ATP1A1: variants seen among roughly 807,000 people sequenced by gnomAD.
ATP1A1 encodes the protein ATPase Na+/K+ transporting subunit alpha 1, also known as sodium/potassium-transporting ATPase subunit alpha-1.
ATP1A1 carries 14 observed loss-of-function variants against 114.8 expected under a neutral mutation model. That is an observed-to-expected ratio of 0.12 (90% confidence interval 0.08 to 0.19). The LOEUF (loss-of-function observed/expected upper bound fraction) is 0.19. ATP1A1 is among the 10% of genes least tolerant of loss of function. The probability of loss-of-function intolerance (pLI) is 1.00; values close to 1 mark genes in which losing one functional copy is unlikely to be tolerated. For missense variants in ATP1A1, 524 were observed against 1,290.7 expected, an observed-to-expected ratio of 0.41 and a Z score of 9.10; for synonymous variants, 471 against 466.3, an observed-to-expected ratio of 1.01 and a Z score of -0.13.
In ATP1A1 at chr1:116,401,436, C is replaced by A; in HGVS notation, c.2850-118C>A. The A allele has an allele frequency of 7.1e-7, 1 of 1,415,304 alleles. No individual in the cohort carries two copies. Among genetic ancestry groups the A allele is most frequent in the African/African-American group, 1.4e-5 (1 of 69,796 alleles). The allele number at this position is 1,415,304 out of a possible 1,614,324, so 87.7% of individuals were successfully genotyped here. ...CTTTCTAGTTTTTTCATCTGACCTCCAAGTTTTCAAGTACAGCTAATACAT... is the reference window on the plus strand; with the variant it reads ...CTTTCTAGTTTTTTCATCTGACCTCAAAGTTTTCAAGTACAGCTAATACAT... On this transcript the variant is annotated intron_variant, in intron 20 of 22. Transcript: ENST00000295598. The surrounding 1 kb of genome is among the most constrained non-coding windows in gnomAD (Gnocchi z 4.7).
At chr1:116,379,244 G>C (rs575237874) in intron 1 of ATP1A1, among the ~76,000 whole-genome samples, 9 of 152,258 alleles carry the variant, frequency 5.9e-5, no homozygotes, top group African/African-American at 2.2e-4. Flanking sequence ...GCCCAAGTTT[G>C]GATATACTAA....
intron 1 of ATP1A1, chr1:116,374,277 T>C: frequency 6.4e-7 from 1 of 1,551,630 alleles, no homozygotes. Flanking sequence ...CCACTTTCCG[T>C]AAACACAGGA....
At position 116,389,530 on chromosome 1, in the gene ATP1A1, C is replaced by A; in HGVS notation, c.846C>A (p.Thr282=). 6.2e-7 allele frequency: 1 copy of A among 1,614,120 alleles called. No individual in the cohort carries two copies. Among genetic ancestry groups the A allele is most frequent in the Non-Finnish European group, 8.5e-7 (1 of 1,180,008 alleles). Reference sequence around the variant, plus strand: ...CTTCTGGGCTGGAAGGAGGCCAGACCCCCATTGCTGCAGAAATTGAACATT... The same window carrying A: ...CTTCTGGGCTGGAAGGAGGCCAGACACCCATTGCTGCAGAAATTGAACATT... ...TLASGLEGGQ[T]PIAAEIEHFI... is the part of the protein sequence containing the mutation. The change falls in exon 8 of 23, where the codon ACC becomes ACA. Residue 282 remains threonine (T), a synonymous_variant. Coordinates refer to ENST00000295598, the MANE Select transcript of ATP1A1 (RefSeq NM_000701.8). This position sits in a 1 kb window ranked among gnomAD's most constrained non-coding sequence, Gnocchi z 6.9.
chr1:116,379,354 G>A (rs531029521), intron 1 of ATP1A1, among the ~76,000 whole-genome samples: 51 of 152,290 alleles, frequency 3.3e-4, no homozygotes, highest in Non-Finnish European at 6.0e-4. Context: ...AGGCATGGTG[G>A]CCCCTCAGGC....
intron 21 of ATP1A1, chr1:116,402,100 A>C (rs1263173902): frequency 6.2e-6 from 1 of 161,862 alleles, no homozygotes; most frequent in African/African-American, 2.4e-5. Context: ...TCAAAGAAAG[A>C]AGGTTGGAGA....
rs1456769284 is a variant in ATP1A1 at position 116,387,007 on chromosome 1, A to G, written c.184-281A>G. 1.3e-5 allele frequency among the ~76,000 whole-genome samples: 2 copies of G among 152,250 alleles called. No homozygotes were observed. Among genetic ancestry groups the G allele is most frequent in the Non-Finnish European group, 2.9e-5 (2 of 68,040 alleles). On this transcript the variant is annotated intron_variant, in intron 3 of 22. Coordinates refer to ENST00000295598, the MANE Select transcript of ATP1A1 (RefSeq NM_000701.8). This position sits in a 1 kb window ranked among gnomAD's most constrained non-coding sequence, Gnocchi z 6.7. The stretch of plus-strand genomic sequence containing the variant: ...TTAATCCCTTGATCTAAAACTTAGA[A>G]GAAACCAGGCTGAATTCAAATTTAT...
At chr1:116,383,805 G>A (rs1446730582) in intron 1 of ATP1A1, among the ~76,000 whole-genome samples, 2 of 152,212 alleles carry the variant, frequency 1.3e-5, no homozygotes, top group Non-Finnish European at 2.9e-5. Context: ...CTTGGATGGA[G>A]AGAATGTATC....
Position 116,399,158 on chromosome 1 carries a change from C to T in ATP1A1, c.2448+74C>T. ...GTCTTCATTCACTGGCACTATGCTC[C>T]CAGCATCCATGAGGCTGGCGTTGGG... On this transcript the variant is annotated intron_variant, in intron 17 of 22. Transcript: ENST00000295598. This position sits in a 1 kb window ranked among gnomAD's most constrained non-coding sequence, Gnocchi z 5.0. The T allele has an allele frequency of 6.3e-7, 1 of 1,595,842 alleles. No individual in the cohort carries two copies. Among genetic ancestry groups the T allele is most frequent in the Non-Finnish European group, 8.6e-7 (1 of 1,166,230 alleles).
rs903553112 is a variant in ATP1A1 at position 116,373,330 on chromosome 1, C to T, written c.-182C>T. On this transcript the variant is annotated 5_prime_UTR_variant, in exon 1 of 23. Transcript: ENST00000295598. ...GCGGTAGCAGCCCGGGCGGCGGCAGCAACAGCGGCGGCGGCATCGGCCCGA... is the reference window on the plus strand; with the variant it reads ...GCGGTAGCAGCCCGGGCGGCGGCAGTAACAGCGGCGGCGGCATCGGCCCGA... The T allele has an allele frequency of 1.7e-4, 88 of 521,642 alleles. No homozygotes were observed. Among genetic ancestry groups the T allele is most frequent in the Non-Finnish European group, 2.5e-4 (80 of 326,154 alleles). 32.3% of individuals were successfully genotyped at this position (521,642 alleles called of 1,614,324 possible).
At chr1:116,386,461 T>G (rs1200812950) in intron 3 of ATP1A1, among the ~76,000 whole-genome samples, 4 of 152,200 alleles carry the variant, frequency 2.6e-5, no homozygotes, top group Non-Finnish European at 2.9e-5. Flanking sequence ...AGCACTGAAT[T>G]CAGTTCCTGG....
chr1:116,391,829 A>C (rs1007015598), intron 10 of ATP1A1, among the ~76,000 whole-genome samples: 8 of 152,216 alleles, frequency 5.3e-5, no homozygotes, highest in African/African-American at 1.7e-4. Flanking sequence ...CAAGTATCAA[A>C]TCTTTCCTGA....
chr1:116,404,275 C>A lies in ATP1A1; in HGVS notation c.3044-141C>A. ...ATTCCTAAAAACATGTAAATAAGTA[C>A]AGTTGAGGTCCCATGTTTGGATTTT... On this transcript the variant is annotated intron_variant, in intron 22 of 22. Transcript: ENST00000295598. The surrounding 1 kb of genome is among the most constrained non-coding windows in gnomAD (Gnocchi z 4.8). 2.0e-6 allele frequency: 2 copies of A among 1,010,668 alleles called. No individual in the cohort carries two copies. The highest frequency in any genetic ancestry group is 3.0e-6 in the Non-Finnish European group (2 of 660,656). The allele number at this position is 1,010,668 out of a possible 1,614,324, so 62.6% of individuals were successfully genotyped here.
At position 116,397,279 on chromosome 1, in the gene ATP1A1, G is replaced by T. The variant is rs1169900085; in HGVS notation, c.1973+545G>T. On this transcript the variant is annotated intron_variant, in intron 14 of 22. Coordinates refer to ENST00000295598, the MANE Select transcript of ATP1A1 (RefSeq NM_000701.8). This position sits in a 1 kb window ranked among gnomAD's most constrained non-coding sequence, Gnocchi z 4.2. ...TCACCCTATGTTACGGTTAGAGGAG[G>T]GTTTGGTCTTGTATCAGCTCTGCCA... 6.6e-6 allele frequency among the ~76,000 whole-genome samples: 1 copy of T among 152,074 alleles called. No homozygotes were observed. The highest frequency in any genetic ancestry group is 1.5e-5 in the Non-Finnish European group (1 of 68,010).
At position 116,393,064 on chromosome 1, in the gene ATP1A1, G is replaced by T; in HGVS notation, c.1467+76G>T. The T allele has an allele frequency of 6.4e-7, 1 of 1,562,254 alleles. No individual in the cohort carries two copies. The highest frequency in any genetic ancestry group is 1.2e-5 in the South Asian group (1 of 82,858). On this transcript the variant is annotated intron_variant, in intron 11 of 22. Transcript: ENST00000295598. This position sits in a 1 kb window ranked among gnomAD's most constrained non-coding sequence, Gnocchi z 5.0. Reference sequence around the variant, plus strand: ...GAGGGGAGGTACATGAGCAGGAAGAGGAAATATTCTCCCTTTGGAGTTTTA... The same window carrying T: ...GAGGGGAGGTACATGAGCAGGAAGATGAAATATTCTCCCTTTGGAGTTTTA...
chr1:116,392,766 A>G lies in ATP1A1; in HGVS notation c.1333-88A>G. On this transcript the variant is annotated intron_variant, in intron 10 of 22. Transcript: ENST00000295598. ...CTCTGCTACCTCTGACAAGATTGGA[A>G]TGTGTCTTGAGTTATTTTTCCTGTT... 8 of 1,475,940 alleles carry G rather than the reference A, an allele frequency of 5.4e-6. No individual in the cohort carries two copies. In the South Asian group the frequency reaches 7.8e-5, roughly 14 times the overall value. 91.4% of individuals were successfully genotyped at this position (1,475,940 alleles called of 1,614,324 possible). A position where few individuals can be genotyped will look rare whatever the true frequency, so the allele number is the denominator to read the frequency against.
At position 116,397,759 on chromosome 1, in the gene ATP1A1, G is replaced by A. The variant is rs55634679; in HGVS notation, c.1974-129G>A. The stretch of plus-strand genomic sequence containing the variant: ...GTACTGAACACTTAATAGCTTTTAT[G>A]TGCTGGGGAAAATTCCTTCTTTGTT... On this transcript the variant is annotated intron_variant, in intron 14 of 22. Transcript: ENST00000295598. This position sits in a 1 kb window ranked among gnomAD's most constrained non-coding sequence, Gnocchi z 4.2. 0.013 allele frequency: 15,670 copies of A among 1,177,580 alleles called. 832 individuals are homozygous for A. In the African/African-American group the frequency reaches 0.14, roughly 10 times the overall value. 72.9% of individuals were successfully genotyped at this position (1,177,580 alleles called of 1,614,324 possible). A position where few individuals can be genotyped will look rare whatever the true frequency, so the allele number is the denominator to read the frequency against.
In ATP1A1 at chr1:116,401,174, C is replaced by T. The variant is rs781145047; in HGVS notation, c.2763C>T (p.Ala921=). Residue 921 remains alanine, a synonymous_variant, in exon 20 of 23, where the codon GCC becomes GCT. Transcript: ENST00000295598. This position sits in a 1 kb window ranked among gnomAD's most constrained non-coding sequence, Gnocchi z 4.7. ...TCGTGGAGTTCACCTGCCACACAGCCTTCTTCGTCAGTATCGTGGTGGTGC... is the reference window on the plus strand; with the variant it reads ...TCGTGGAGTTCACCTGCCACACAGCTTTCTTCGTCAGTATCGTGGTGGTGC... ...RKIVEFTCHT[A]FFVSIVVVQW... is the part of the protein sequence containing the mutation. 5.0e-6 allele frequency: 8 copies of T among 1,614,090 alleles called. No individual in the cohort carries two copies. In the Admixed American group the frequency reaches 1.0e-4, roughly 20 times the overall value.
In ATP1A1 at chr1:116,387,894, G is replaced by A. The variant is rs1652203339; in HGVS notation, c.388-237G>A. Among the ~76,000 whole-genome samples, 1 of 152,230 alleles carries A rather than the reference G, an allele frequency of 6.6e-6. No individual in the cohort carries two copies. The highest frequency in any genetic ancestry group is 6.5e-5 in the Admixed American group (1 of 15,276). On this transcript the variant is annotated intron_variant, in intron 4 of 22. Coordinates refer to ENST00000295598, the MANE Select transcript of ATP1A1 (RefSeq NM_000701.8). The surrounding 1 kb of genome is among the most constrained non-coding windows in gnomAD (Gnocchi z 6.7). ...TTTGTTTTATAAAGCAGGAGAAACT[G>A]ATGCATCTAGAACCTTTCCAAACGT...
Position 116,393,405 on chromosome 1 carries a change from A to G in ATP1A1, c.1468-126A>G. On this transcript the variant is annotated intron_variant, in intron 11 of 22. Transcript: ENST00000295598. This position sits in a 1 kb window ranked among gnomAD's most constrained non-coding sequence, Gnocchi z 5.0. ...ATGTTACAGGTGTAAGATACTTCAGAGTTCAGAAAGAAGGGATCTTGGGTC... is the reference window on the plus strand; with the variant it reads ...ATGTTACAGGTGTAAGATACTTCAGGGTTCAGAAAGAAGGGATCTTGGGTC... 2 of 1,048,452 alleles carry G rather than the reference A, an allele frequency of 1.9e-6. No individual in the cohort carries two copies. Among genetic ancestry groups the G allele is most frequent in the Non-Finnish European group, 2.7e-6 (2 of 727,740 alleles). The allele number at this position is 1,048,452 out of a possible 1,614,324, so 64.9% of individuals were successfully genotyped here.
Sources: allele counts gnomAD v4.1 joint callset (sites outside exome capture counted in the v4.1 genomes callset), GRCh38; gene constraint gnomAD v4.1.1; non-coding constraint Gnocchi (gnomAD v3.1); transcripts MANE v1.5; gene names NCBI Gene and HGNC (gene_info 2026-07-23, HGNC 2026-07-21).